PRRC2C: variants seen among roughly 807,000 people sequenced by gnomAD.
The protein encoded by PRRC2C is protein PRRC2C.
PRRC2C carries 72 observed loss-of-function variants against 317.2 expected under a neutral mutation model. The ratio of observed to expected loss-of-function variants is 0.23; its 90% confidence interval spans 0.19 to 0.28. The LOEUF (loss-of-function observed/expected upper bound fraction) is 0.28. PRRC2C is among the 10% of genes least tolerant of loss of function. PRRC2C has a pLI of 1.00. For missense variants in PRRC2C, 3,074 were observed against 3,459.7 expected (o/e 0.89, Z 2.80); for synonymous variants, 1,296 against 1,205.9 (o/e 1.07, Z -1.55).
At chr1:171,558,244 T>C in intron 19 of PRRC2C, 101 bp downstream of exon 19, 1 of 1,342,868 alleles carries the variant, frequency 7.4e-7, no homozygotes, top group Non-Finnish European at 9.8e-7. Context: ...TCTAGCCATC[T>C]CATTTTTTAT....
chr1:171,519,179 C>A (rs760831488), intron 6 of PRRC2C, among the ~76,000 whole-genome samples: 7 of 152,092 alleles, frequency 4.6e-5, no homozygotes, highest in Non-Finnish European at 1.0e-4. Flanking sequence ...TCACCATGCC[C>A]GCTCTTTTCC....
chr1:171,577,742 A>G (rs1647352573), intron 26 of PRRC2C, 105 bp downstream of exon 26: 1 of 890,468 alleles, frequency 1.1e-6, no homozygotes, highest in Admixed American at 2.7e-5. Flanking sequence ...AGGCTCTTAA[A>G]GTACATTGCT....
Position 171,499,467 on chromosome 1 carries a change from G to A in PRRC2C, c.-57-12565G>A, listed in dbSNP as rs763281711. Among the ~76,000 whole-genome samples the A allele has an allele frequency of 2.0e-5, 3 of 152,274 alleles. No individual in the cohort carries two copies. In the Middle Eastern group the frequency reaches 0.01, roughly 518 times the overall value. On this transcript the variant is annotated intron_variant, in intron 1 of 34. Coordinates refer to ENST00000647382, the MANE Select transcript of PRRC2C (RefSeq NM_001387844.1). Reference sequence around the variant, plus strand: ...TGAAGCAGTGAACAGCAGATGAGATGGCCAAAGGAGAAAGCACTTATTAAT... The same window carrying A: ...TGAAGCAGTGAACAGCAGATGAGATAGCCAAAGGAGAAAGCACTTATTAAT...
rs763415626 is a variant in PRRC2C, at chr1:171,574,873, G to T, written c.6754-54G>T. On this transcript the variant is annotated intron_variant, in intron 24 of 34. Transcript: ENST00000647382. ...AATACTGATACATGTATATACATAC[G>T]TATATTCTGTATTAACATCATTTTT... The T allele has an allele frequency of 2.0e-6, 3 of 1,463,840 alleles. No individual in the cohort carries two copies. In the South Asian group the frequency reaches 3.6e-5, roughly 18 times the overall value. The allele number at this position is 1,463,840 out of a possible 1,614,324, so 90.7% of individuals were successfully genotyped here.
At position 171,535,478 on chromosome 1, in the gene PRRC2C, G is replaced by T; in HGVS notation, c.1924G>T (p.Ala642Ser). The change falls in exon 13 of 35, where the codon GCC becomes TCC. Residue 642 changes from alanine to serine, a missense_variant. Ala to Ser is a moderately conservative substitution (Grantham distance 99, BLOSUM62 1). This residue lies in a region of PRRC2C where 1,320 missense variants were observed against 1,395.7 expected (regional missense o/e 0.95). Coordinates refer to ENST00000647382, the MANE Select transcript of PRRC2C (RefSeq NM_001387844.1). The stretch of plus-strand genomic sequence containing the variant: ...AGACAGCAATCGCAGTGAAAAGGAA[G>T]CCACACCAGTGGTGCATGAAACAGA... Reference protein sequence around the residue: ...RQDSNRSEKEATPVVHETEPE... With the variant: ...RQDSNRSEKESTPVVHETEPE... 1 of 1,613,970 alleles carries T rather than the reference G, an allele frequency of 6.2e-7. No individual in the cohort carries two copies. Among genetic ancestry groups the T allele is most frequent in the South Asian group, 1.1e-5 (1 of 91,070 alleles).
intron 6 of PRRC2C, 62 bp from the exon 7 acceptor site, chr1:171,522,115 T>C: frequency 3.9e-6 from 3 of 767,418 alleles, no homozygotes; most frequent in Non-Finnish European, 6.0e-6. Flanking sequence ...TATATATATA[T>C]ATAATTTTTT....
intron 12 of PRRC2C, among the ~76,000 whole-genome samples, chr1:171,534,833 A>T (rs1676521616): frequency 1.3e-5 from 2 of 152,228 alleles, no homozygotes; most frequent in Admixed American, 1.3e-4. Flanking sequence ...TCCATTTTAA[A>T]TTCATTACTA....
chr1:171,502,438 C>G (rs1352797867), intron 1 of PRRC2C, among the ~76,000 whole-genome samples: 1 of 152,258 alleles, frequency 6.6e-6, no homozygotes, highest in Admixed American at 6.5e-5. Context: ...TAACTCCTGT[C>G]CCCTTTTCAG....
At chr1:171,585,966 C>CTGAAGGTTATA (rs1649812610) in intron 30 of PRRC2C, among the ~76,000 whole-genome samples, 2 of 151,690 alleles carry the variant, frequency 1.3e-5, no homozygotes, top group South Asian at 4.2e-4. Flanking sequence ...TACATATAAC[C>CTGAAGGTTATA]TGAAGGTAAT....
chr1:171,553,386 A>G (rs562337505), intron 18 of PRRC2C, among the ~76,000 whole-genome samples: 2 of 150,350 alleles, frequency 1.3e-5, no homozygotes, highest in South Asian at 2.1e-4. Context: ...CGGTCTGTCA[A>G]TTTTATTGAT....
At position 171,587,728 on chromosome 1, in the gene PRRC2C, C is replaced by T; in HGVS notation, c.8049C>T (p.Thr2683=). 6.2e-7 allele frequency: 1 copy of T among 1,611,800 alleles called. No individual in the cohort carries two copies. The highest frequency in any genetic ancestry group is 8.5e-7 in the Non-Finnish European group (1 of 1,178,048). ...CACCTCCAATCGCTGGTAGAAGCAC[C>T]ACACCAACATCTAGTCCCTTCCGGT... The part of the protein sequence containing the change: ...PGTPPIAGRS[T]TPTSSPFRAT... The change falls in exon 32 of 35, where the codon ACC becomes ACT. Residue 2683 remains threonine, a synonymous_variant. Coordinates refer to ENST00000647382, the MANE Select transcript of PRRC2C (RefSeq NM_001387844.1).
intron 10 of PRRC2C, among the ~76,000 whole-genome samples, chr1:171,526,879 G>A (rs550706315): frequency 3.1e-4 from 40 of 129,076 alleles, no homozygotes; most frequent in African/African-American, 1.2e-3. Flanking sequence ...CGTGATCTCC[G>A]CTCACTGCAA....
At chr1:171,490,403 G>A (rs1666908497) in intron 1 of PRRC2C, among the ~76,000 whole-genome samples, 1 of 152,104 alleles carries the variant, frequency 6.6e-6, no homozygotes, top group African/African-American at 2.4e-5. Flanking sequence ...CAGGCCACAG[G>A]TACAGTTAAT....
chr1:171,513,547 A>T (rs2294292), intron 3 of PRRC2C: 71,878 of 420,666 alleles, frequency 0.17, 6,924 homozygotes, highest in Middle Eastern at 0.28. Flanking sequence ...TATCTCCAGC[A>T]TTGAAACTGC....
At position 171,535,535 on chromosome 1, in the gene PRRC2C, G is replaced by A. The variant is rs1246469915; in HGVS notation, c.1981G>A (p.Val661Ile). ...PESGSQPRPA[V>I]LSGYFKQFQK... ...ATCAGGGTCTCAACCTCGGCCGGCT[G>A]TATTATCTGGCTATTTCAAACAGTT... Residue 661 changes from valine (V) to isoleucine (I), a missense_variant, in exon 13 of 35, where the codon GTA (valine) becomes ATA (isoleucine). By Grantham distance (29) the Val-to-Ile change is conservative (BLOSUM62 3). This residue lies in a region of PRRC2C where 1,320 missense variants were observed against 1,395.7 expected (regional missense o/e 0.95). Transcript: ENST00000647382. 1.2e-6 allele frequency: 2 copies of A among 1,614,020 alleles called. No homozygotes were observed. The highest frequency in any genetic ancestry group is 1.1e-5 in the South Asian group (1 of 91,086).
At position 171,540,655 on chromosome 1, in the gene PRRC2C, C is replaced by T. The variant is rs1677791115; in HGVS notation, c.3189C>T (p.Pro1063=). ...CGGAAAAGAAGGATCTTCCTCCTCC[C>T]CCACCACCACCTCAGCCACCAGCAC... The part of the protein sequence containing the change: ...EKTEKKDLPP[P]PPPPQPPAPI... Residue 1063 remains proline (P), a synonymous_variant, in exon 16 of 35, where the codon CCC becomes CCT. Coordinates refer to ENST00000647382, the MANE Select transcript of PRRC2C (RefSeq NM_001387844.1). 6.2e-7 allele frequency: 1 copy of T among 1,613,918 alleles called. No homozygotes were observed. Among genetic ancestry groups the T allele is most frequent in the Non-Finnish European group, 8.5e-7 (1 of 1,179,872 alleles).
At chr1:171,586,277 G>A (rs1267279570) in intron 30 of PRRC2C, among the ~76,000 whole-genome samples, 1 of 150,082 alleles carries the variant, frequency 6.7e-6, no homozygotes, top group Non-Finnish European at 1.5e-5. Context: ...TTTTAGTAGA[G>A]ACGGAGTTTC....
At position 171,593,278 on chromosome 1, in the gene PRRC2C, A is replaced by G. The variant is rs1379124508; in HGVS notation, c.*1431A>G. ...TAAATATATATATATATATACATAT[A>G]TATATATAATTTGAATTTTTGGAAA... On this transcript the variant is annotated 3_prime_UTR_variant, in exon 35 of 35. Coordinates refer to ENST00000647382, the MANE Select transcript of PRRC2C (RefSeq NM_001387844.1). The G allele has an allele frequency of 1.4e-5, 2 of 148,032 alleles. No individual in the cohort carries two copies. Among genetic ancestry groups the G allele is most frequent in the Non-Finnish European group, 3.0e-5 (2 of 67,142 alleles). 9.2% of individuals were successfully genotyped at this position (148,032 alleles called of 1,614,324 possible). A position where few individuals can be genotyped will look rare whatever the true frequency, so the allele number is the denominator to read the frequency against.
chr1:171,516,627 A>T (rs1380833001), intron 5 of PRRC2C, among the ~76,000 whole-genome samples: 2 of 152,236 alleles, frequency 1.3e-5, no homozygotes, highest in East Asian at 3.8e-4. Flanking sequence ...CAAATTTAGC[A>T]ATGTAAAACA....
Sources: gnomAD v4.1 joint callset for allele counts (sites outside exome capture counted in the v4.1 genomes callset) on GRCh38, gnomAD v4.1.1 for gene constraint, gnomAD v4.1.1 regional missense constraint, MANE v1.5 for transcripts, NCBI Gene and HGNC (gene_info 2026-07-23, HGNC 2026-07-21) for gene names.